The following QTRT2 variants were observed in gnomAD, a reference collection of about 807,000 sequenced individuals.
The protein encoded by QTRT2 is queuine tRNA-ribosyltransferase domain containing 1.
In QTRT2, 32 loss-of-function variants were observed where a neutral mutation model predicts 44.8. That is an observed-to-expected ratio of 0.71 (90% CI 0.54 to 0.96). The LOEUF is 0.96. Ranked by LOEUF, QTRT2 falls within the 40% of genes least tolerant of loss-of-function variation. The pLI is 0.00. For missense variants in QTRT2, 461 were observed against 503.1 expected (o/e 0.92, Z 0.80); for synonymous variants, 182 against 187.4 (o/e 0.97, Z 0.24).
intron 6 of QTRT2, among the ~76,000 whole-genome samples, chr3:114,073,677 C>T (rs891584623): frequency 1.3e-5 from 2 of 152,112 alleles, no homozygotes; most frequent in Non-Finnish European, 2.9e-5. Flanking sequence ...CCGCGCCCGG[C>T]CTTACTTATG....
At chr3:114,073,718 T>G (rs1214165719) in intron 6 of QTRT2, among the ~76,000 whole-genome samples, 1 of 151,658 alleles carries the variant, frequency 6.6e-6, no homozygotes, top group Non-Finnish European at 1.5e-5. Flanking sequence ...GTAGTCCCTC[T>G]CCATACCCTT....
intron 7 of QTRT2, 23 bp from the exon 8 acceptor site, chr3:114,079,883 T>G: frequency 6.2e-7 from 1 of 1,610,312 alleles, no homozygotes; most frequent in Non-Finnish European, 8.5e-7. Context: ...CTCATGTCAC[T>G]GTTCTTATTC....
At chr3:114,075,564 A>G (rs1033013268) in intron 6 of QTRT2, among the ~76,000 whole-genome samples, 3 of 140,306 alleles carry the variant, frequency 2.1e-5, no homozygotes, top group Admixed American at 7.7e-5. Flanking sequence ...GCTGGAGTGC[A>G]GTGGCGCAAT....
At chr3:114,057,132 C>T in intron 2 of QTRT2, 26 bp downstream of exon 2, 2 of 1,238,274 alleles carry the variant, frequency 1.6e-6, no homozygotes, top group Non-Finnish European at 2.1e-6. Flanking sequence ...AGTTTTTATT[C>T]CGAACTGCCC....
intron 8 of QTRT2, among the ~76,000 whole-genome samples, chr3:114,082,204 C>CCCCACACACACACA (rs1390512057): frequency 1.4e-5 from 2 of 138,866 alleles, no homozygotes; most frequent in African/African-American, 5.4e-5. Flanking sequence ...GATAACCCCA[C>CCCCACACACACACA]CACACACACA....
intron 6 of QTRT2, among the ~76,000 whole-genome samples, chr3:114,076,201 C>T (rs554095243): frequency 2.6e-5 from 4 of 152,308 alleles, no homozygotes; most frequent in African/African-American, 9.6e-5. Context: ...TGGTCTCACT[C>T]TCTTACCCTG....
At chr3:114,074,055 C>T (rs980164636) in intron 6 of QTRT2, among the ~76,000 whole-genome samples, 4 of 152,174 alleles carry the variant, frequency 2.6e-5, no homozygotes, top group South Asian at 2.1e-4. Flanking sequence ...CCGAGGTGGT[C>T]GGGTGCAGCA....
chr3:114,073,848 C>T (rs919986241), intron 6 of QTRT2, among the ~76,000 whole-genome samples: 1 of 152,158 alleles, frequency 6.6e-6, no homozygotes, highest in Non-Finnish European at 1.5e-5. Flanking sequence ...TCATGCTAGT[C>T]GTATAAGCAG....
chr3:114,069,321 G>T (rs1206582986), intron 5 of QTRT2, among the ~76,000 whole-genome samples: 1 of 151,830 alleles, frequency 6.6e-6, no homozygotes, highest in Non-Finnish European at 1.5e-5. Flanking sequence ...GGGGTTTGTT[G>T]TACAGATTAT....
rs549297538 is a variant in QTRT2, at chr3:114,079,555, CTA to C, written c.747-349_747-348del. On this transcript the variant is annotated intron_variant, in intron 7 of 9. Coordinates refer to ENST00000281273, the MANE Select transcript of QTRT2 (RefSeq NM_024638.4). ...CTCCCTCTCAAAAAAAAAAAAGAAA[CTA>C]TGTGCTTTTTCAAATATCTCATTAA... 1,226 of 172,870 alleles carry C rather than the reference CTA, an allele frequency of 7.1e-3. 9 individuals are homozygous for C. The highest frequency in any genetic ancestry group is 0.01 in the Non-Finnish European group (853 of 81,364). 10.7% of individuals were successfully genotyped at this position (172,870 alleles called of 1,614,324 possible). A position where few individuals can be genotyped will look rare whatever the true frequency, so the allele number is the denominator to read the frequency against.
chr3:114,065,145 T>C, intron 2 of QTRT2, 92 bp from the exon 3 acceptor site: 2 of 797,264 alleles, frequency 2.5e-6, no homozygotes, highest in Non-Finnish European at 4.1e-6. Flanking sequence ...CATGCTATCA[T>C]TCATTTTCCT....
At chr3:114,061,520 G>T (rs946145977) in intron 2 of QTRT2, among the ~76,000 whole-genome samples, 23 of 152,150 alleles carry the variant, frequency 1.5e-4, no homozygotes, top group Non-Finnish European at 2.2e-4. Flanking sequence ...AATTCTGTTG[G>T]CACAGGTTAA....
chr3:114,061,907 A>G (rs897709725), intron 2 of QTRT2, among the ~76,000 whole-genome samples: 5 of 151,852 alleles, frequency 3.3e-5, no homozygotes, highest in Admixed American at 6.6e-5. Flanking sequence ...GACTTTCCAC[A>G]GTGTGTTCTA....
chr3:114,074,033 G>A (rs1027100993), intron 6 of QTRT2, among the ~76,000 whole-genome samples: 55 of 152,152 alleles, frequency 3.6e-4, no homozygotes, highest in African/African-American at 1.2e-3. Context: ...TAGGGATGGC[G>A]AATGGTTTCA....
In QTRT2 at chr3:114,056,989, C is replaced by T; in HGVS notation, c.-129-10C>T. The T allele has an allele frequency of 6.9e-7, 1 of 1,449,276 alleles. No homozygotes were observed. The highest frequency in any genetic ancestry group is 1.4e-5 in the South Asian group (1 of 70,760). 89.8% of individuals were successfully genotyped at this position (1,449,276 alleles called of 1,614,324 possible). A position where few individuals can be genotyped will look rare whatever the true frequency, so the allele number is the denominator to read the frequency against. ...TACTCCCGCCATGTCTCCTCTGCTTCCCTTTTCAGGGTGTCCTGGTGGATT... is the reference window on the plus strand; with the variant it reads ...TACTCCCGCCATGTCTCCTCTGCTTTCCTTTTCAGGGTGTCCTGGTGGATT... On this transcript the variant is annotated splice_polypyrimidine_tract_variant and intron_variant, in intron 1 of 9. Coordinates refer to ENST00000281273, the MANE Select transcript of QTRT2 (RefSeq NM_024638.4).
rs145294211 is a variant in QTRT2, at chr3:114,057,265, G to C, written c.-22+159G>C. 792 of 194,370 alleles carry C rather than the reference G, an allele frequency of 4.1e-3. 8 individuals are homozygous for C. Among genetic ancestry groups the C allele is most frequent in the African/African-American group, 0.017 (711 of 42,912 alleles). The allele number at this position is 194,370 out of a possible 1,614,324, so 12.0% of individuals were successfully genotyped here. A position where few individuals can be genotyped will look rare whatever the true frequency, so the allele number is the denominator to read the frequency against. Reference sequence around the variant, plus strand: ...TTGGCTTAGCCGAGGTGTTTCCAGAGACAGCCCATTTAGGGGTGATAAATG... The same window carrying C: ...TTGGCTTAGCCGAGGTGTTTCCAGACACAGCCCATTTAGGGGTGATAAATG... On this transcript the variant is annotated intron_variant, in intron 2 of 9. Coordinates refer to ENST00000281273, the MANE Select transcript of QTRT2 (RefSeq NM_024638.4).
At chr3:114,060,532 ATAGATAGATAGATAAGATAGAT>A in intron 2 of QTRT2, among the ~76,000 whole-genome samples, 2 of 114,318 alleles carry the variant, frequency 1.7e-5, no homozygotes, top group African/African-American at 3.0e-5. Context: ...AGATAGATAG[ATAGATAGATAGATAAGATAGAT>A]TAGATAGATA....
intron 8 of QTRT2, among the ~76,000 whole-genome samples, chr3:114,082,204 CCA>C (rs71146306): frequency 0.065 from 9,065 of 138,636 alleles, 375 homozygotes; most frequent in South Asian, 0.1. Context: ...GATAACCCCA[CCA>C]CACACACACA....
In QTRT2 at chr3:114,056,821, T is replaced by G. The variant is rs2076796570; in HGVS notation, c.-173T>G. ...CACGTGGTAGTGAACTGTGAGGAGT[T>G]TGAGGGGTCTGAAGACTGAAAGAGT... is the stretch of plus-strand genomic sequence containing the variant. On this transcript the variant is annotated 5_prime_UTR_variant, in exon 1 of 10. Coordinates refer to ENST00000281273, the MANE Select transcript of QTRT2 (RefSeq NM_024638.4). 1 of 1,535,022 alleles carries G rather than the reference T, an allele frequency of 6.5e-7. No individual in the cohort carries two copies. Among genetic ancestry groups the G allele is most frequent in the Non-Finnish European group, 8.7e-7 (1 of 1,146,412 alleles).
Sources: gnomAD v4.1 joint callset for allele counts (sites outside exome capture counted in the v4.1 genomes callset) on GRCh38, gnomAD v4.1.1 for gene constraint, MANE v1.5 for transcripts, NCBI Gene and HGNC (gene_info 2026-07-23, HGNC 2026-07-21) for gene names.